The following KCNH8 variants were observed in gnomAD, a reference collection of about 807,000 sequenced individuals.
KCNH8 encodes the protein voltage-gated delayed rectifier potassium channel KCNH8.
A neutral mutation model predicts 103.6 loss-of-function variants in KCNH8; 70 were observed. The observed-to-expected ratio is 0.68, with a 90% confidence interval of 0.56 to 0.82. The LOEUF is 0.82. Ranked by LOEUF, KCNH8 falls within the 40% of genes least tolerant of loss-of-function variation. The probability of loss-of-function intolerance (pLI) is 0.00; values close to 1 mark genes in which losing one functional copy is unlikely to be tolerated. For synonymous variants in KCNH8, 498 were observed against 489.4 expected (o/e 1.02, Z -0.23); for missense variants, 1,217 against 1,329.9 (o/e 0.92, Z 1.32).
chr3:19,149,450 GT>G (rs796098636), intron 1 of KCNH8, among the ~76,000 whole-genome samples: 346 of 145,080 alleles, frequency 2.4e-3, no homozygotes, highest in African/African-American at 3.7e-3. Flanking sequence ...AAAGTTTTTA[GT>G]TTTTTTTTTT....
intron 11 of KCNH8, among the ~76,000 whole-genome samples, chr3:19,493,647 A>C (rs562097520): frequency 3.9e-5 from 6 of 152,256 alleles, no homozygotes; most frequent in African/African-American, 1.2e-4. Flanking sequence ...AAATTGGCAA[A>C]TACAGCATCT....
At chr3:19,419,421 C>CA (rs2066917798) in intron 7 of KCNH8, among the ~76,000 whole-genome samples, 1 of 151,358 alleles carries the variant, frequency 6.6e-6, no homozygotes, top group African/African-American at 2.4e-5. Context: ...AGGATGGTCT[C>CA]GATCTCCTGA....
At chr3:19,216,415 G>A (rs1285844927) in intron 1 of KCNH8, among the ~76,000 whole-genome samples, 2 of 152,170 alleles carry the variant, frequency 1.3e-5, no homozygotes, top group Non-Finnish European at 2.9e-5. Context: ...ATTTGAAATG[G>A]CAGATATTCT....
intron 5 of KCNH8, among the ~76,000 whole-genome samples, chr3:19,354,682 A>G (rs2065854157): frequency 1.3e-5 from 2 of 152,358 alleles, no homozygotes; most frequent in South Asian, 4.1e-4. Flanking sequence ...AGCAATATGT[A>G]GAAAGCTGAA....
intron 1 of KCNH8, among the ~76,000 whole-genome samples, chr3:19,199,768 G>C (rs2063638539): frequency 6.6e-6 from 1 of 151,750 alleles, no homozygotes; most frequent in African/African-American, 2.4e-5. Context: ...AAATCACTGA[G>C]AATTATATTG....
chr3:19,225,361 C>T (rs1007822212), intron 1 of KCNH8, among the ~76,000 whole-genome samples: 1 of 152,024 alleles, frequency 6.6e-6, no homozygotes, highest in Non-Finnish European at 1.5e-5. Context: ...ATATCAGTAG[C>T]TTAGAGGGAC....
At chr3:19,381,030 T>C (rs750964868) in intron 5 of KCNH8, among the ~76,000 whole-genome samples, 3 of 152,204 alleles carry the variant, frequency 2.0e-5, no homozygotes, top group Non-Finnish European at 4.4e-5. Context: ...ATTTCACTTT[T>C]AATAGAACAC....
chr3:19,491,670 G>C (rs1437119355), intron 11 of KCNH8, among the ~76,000 whole-genome samples: 2 of 152,150 alleles, frequency 1.3e-5, no homozygotes, highest in African/African-American at 4.8e-5. Context: ...ATTTCTTTTT[G>C]ATGTAGTGAT....
intron 11 of KCNH8, among the ~76,000 whole-genome samples, chr3:19,462,533 G>A (rs557431390): frequency 3.9e-5 from 6 of 152,058 alleles, no homozygotes; most frequent in Non-Finnish European, 8.8e-5. Context: ...TGTAGATTCC[G>A]GGTATTAGCC....
chr3:19,355,967 GAGT>G lies in KCNH8; in HGVS notation c.811+8010_811+8012del, dbSNP rs200169448. On this transcript the variant is annotated intron_variant, in intron 5 of 15. Coordinates refer to ENST00000328405, the MANE Select transcript of KCNH8 (RefSeq NM_144633.3). ...ACATACTGTTTATTTTCTATTTCTG[GAGT>G]AGTAGTATTAATTTGGCATCTTATA... is the stretch of plus-strand genomic sequence containing the variant. 6.5e-3 allele frequency among the ~76,000 whole-genome samples: 989 copies of G among 151,442 alleles called. 12 individuals carry two copies. The highest frequency in any genetic ancestry group is 0.022 in the African/African-American group (926 of 41,298).
chr3:19,200,802 C>A (rs1397465946), intron 1 of KCNH8, among the ~76,000 whole-genome samples: 1 of 151,952 alleles, frequency 6.6e-6, no homozygotes, highest in South Asian at 2.1e-4. Flanking sequence ...AGTGAGAGTT[C>A]ATTAGTAAAT....
In KCNH8 at chr3:19,534,507, G is replaced by A. The variant is rs1456925781; in HGVS notation, c.*408G>A. 2.9e-5 allele frequency: 5 copies of A among 175,360 alleles called. No homozygotes were observed. The highest frequency in any genetic ancestry group is 6.1e-5 in the Non-Finnish European group (5 of 82,474). The allele number at this position is 175,360 out of a possible 1,614,324, so 10.9% of individuals were successfully genotyped here. The stretch of plus-strand genomic sequence containing the variant: ...AATATCCATAGCACTGTTGGCCTCA[G>A]GAGTGCACAGCTCCTGCTGATGTAT... On this transcript the variant is annotated 3_prime_UTR_variant, in exon 16 of 16. Transcript: ENST00000328405.
At position 19,533,789 on chromosome 3, in the gene KCNH8, A is replaced by G; in HGVS notation, c.3014A>G (p.His1005Arg). 1 of 1,614,184 alleles carries G rather than the reference A, an allele frequency of 6.2e-7. No homozygotes were observed. The highest frequency in any genetic ancestry group is 8.5e-7 in the Non-Finnish European group (1 of 1,180,010). ...PSHYQVVQEG[H>R]LQFLRCISPH... Reference sequence around the variant, plus strand: ...CACTACCAGGTTGTCCAAGAAGGTCATTTGCAATTTTTAAGGTGCATCTCT... The same window carrying G: ...CACTACCAGGTTGTCCAAGAAGGTCGTTTGCAATTTTTAAGGTGCATCTCT... Residue 1005 changes from histidine to arginine, a missense_variant, in exon 16 of 16, where the codon CAT becomes CGT. Around this residue, in one of 3 missense-constraint regions of KCNH8, gnomAD observed 558 missense variants for 495.8 expected, o/e 1.13. Transcript: ENST00000328405.
chr3:19,337,140 G>T (rs556488137), intron 3 of KCNH8, among the ~76,000 whole-genome samples: 2 of 152,134 alleles, frequency 1.3e-5, no homozygotes. Flanking sequence ...AGTTCATTGA[G>T]AATTCAAATA....
intron 1 of KCNH8, among the ~76,000 whole-genome samples, chr3:19,235,700 A>G (rs937501827): frequency 6.6e-6 from 1 of 152,210 alleles, no homozygotes; most frequent in Admixed American, 6.5e-5. Flanking sequence ...GATTTTTCTT[A>G]AAAAATGCAG....
At chr3:19,267,648 T>C (rs2064531200) in intron 2 of KCNH8, among the ~76,000 whole-genome samples, 1 of 152,042 alleles carries the variant, frequency 6.6e-6, no homozygotes, top group Non-Finnish European at 1.5e-5. Context: ...CCCTACAATA[T>C]CTAATCTTGC....
intron 3 of KCNH8, among the ~76,000 whole-genome samples, chr3:19,302,392 T>C (rs531208569): frequency 6.6e-6 from 1 of 152,330 alleles, no homozygotes; most frequent in South Asian, 2.1e-4. Flanking sequence ...TTTTTTTCTT[T>C]GTAAATTTTA....
At chr3:19,320,489 C>T (rs1286332371) in intron 3 of KCNH8, among the ~76,000 whole-genome samples, 1 of 151,740 alleles carries the variant, frequency 6.6e-6, no homozygotes, top group Non-Finnish European at 1.5e-5. Context: ...TTAATGTATA[C>T]ATACCTATGA....
intron 5 of KCNH8, among the ~76,000 whole-genome samples, chr3:19,353,705 A>G (rs1559488917): frequency 6.6e-6 from 1 of 152,192 alleles, no homozygotes; most frequent in Non-Finnish European, 1.5e-5. Flanking sequence ...AACAACTCTC[A>G]ATAAACTAGG....
Sources: gnomAD v4.1 joint callset for allele counts (sites outside exome capture counted in the v4.1 genomes callset) on GRCh38, gnomAD v4.1.1 for gene constraint, gnomAD v4.1.1 regional missense constraint, MANE v1.5 for transcripts, NCBI Gene and HGNC (gene_info 2026-07-23, HGNC 2026-07-21) for gene names.